YEATS2: variants seen among roughly 807,000 people sequenced by gnomAD.
YEATS2 encodes the protein YEATS domain containing 2.
In YEATS2, 77 loss-of-function variants were observed where a neutral mutation model predicts 163.2. The ratio of observed to expected loss-of-function variants is 0.47; its 90% confidence interval spans 0.39 to 0.57. YEATS2 has a LOEUF of 0.57. Ranked by LOEUF, YEATS2 falls within the 20% of genes least tolerant of loss-of-function variation. YEATS2 has a pLI of 0.00. For missense variants in YEATS2, 1,549 were observed against 1,729.8 expected (o/e 0.90, Z 1.85); for synonymous variants, 631 against 645.1 (o/e 0.98, Z 0.33).
intron 7 of YEATS2, 31 bp from the exon 8 acceptor site, chr3:183,736,687 G>C: frequency 6.4e-7 from 1 of 1,571,558 alleles, no homozygotes. Flanking sequence ...AGTGAACATG[G>C]ATGAACGTGT....
chr3:183,759,511 G>A (rs1276469953), intron 13 of YEATS2, among the ~76,000 whole-genome samples: 1 of 152,014 alleles, frequency 6.6e-6, no homozygotes, highest in Admixed American at 6.6e-5. Context: ...GAGAGCTGCT[G>A]TCCTCTCCCC....
intron 21 of YEATS2, among the ~76,000 whole-genome samples, chr3:183,796,862 C>T (rs913835141): frequency 3.9e-5 from 6 of 152,040 alleles, no homozygotes; most frequent in African/African-American, 9.7e-5. Context: ...ATTTTCTCTG[C>T]GGTAGGACTT....
chr3:183,808,815 C>T (rs773437136), intron 29 of YEATS2: 3 of 286,888 alleles, frequency 1.0e-5, no homozygotes, highest in Non-Finnish European at 2.0e-5. Context: ...AAGATCGCGC[C>T]ACTGCGCTCC....
intron 8 of YEATS2, among the ~76,000 whole-genome samples, chr3:183,746,833 G>A (rs569365715): frequency 1.2e-4 from 19 of 152,058 alleles, no homozygotes; most frequent in African/African-American, 4.6e-4. Flanking sequence ...AACTCAGCCA[G>A]ACGTGACACC....
chr3:183,784,266 A>G (rs1200715969), intron 19 of YEATS2, among the ~76,000 whole-genome samples: 13 of 152,168 alleles, frequency 8.5e-5, no homozygotes, highest in Non-Finnish European at 2.9e-5. Flanking sequence ...CACAGTGTAT[A>G]GGGCTTTCCT....
intron 29 of YEATS2, 72 bp from the exon 30 acceptor site, chr3:183,809,025 T>A (rs1034389506): frequency 1.3e-6 from 2 of 1,504,090 alleles, no homozygotes; most frequent in Middle Eastern, 1.7e-4. Flanking sequence ...GGGTAAGGGA[T>A]GGGGTTAAAT....
chr3:183,770,968 T>TA (rs1722396566), intron 15 of YEATS2, among the ~76,000 whole-genome samples: 1 of 152,224 alleles, frequency 6.6e-6, no homozygotes, highest in African/African-American at 2.4e-5. Context: ...CAGTTTTTGG[T>TA]AAAAATAATG....
chr3:183,810,222 T>C (rs576939672), intron 30 of YEATS2: 1 of 406,610 alleles, frequency 2.5e-6, no homozygotes, highest in South Asian at 2.6e-5. Flanking sequence ...GCCATCCGCT[T>C]TGTTTTCTTT....
rs923818575 is a variant in YEATS2 at position 183,783,134 on chromosome 3, C to A, written c.2737-2991C>A. Among the ~76,000 whole-genome samples the A allele has an allele frequency of 2.0e-5, 3 of 152,182 alleles. No individual in the cohort carries two copies. In the South Asian group the frequency reaches 6.2e-4, roughly 31 times the overall value. ...CTAGTCATAACTTTTTCAGATAGTGCTAGCTGTGTGACCCTGGTAAATTAA... is the reference window on the plus strand; with the variant it reads ...CTAGTCATAACTTTTTCAGATAGTGATAGCTGTGTGACCCTGGTAAATTAA... On this transcript the variant is annotated intron_variant, in intron 19 of 30. Coordinates refer to ENST00000305135, the MANE Select transcript of YEATS2 (RefSeq NM_018023.5).
chr3:183,725,257 C>T (rs1420101545), intron 6 of YEATS2, among the ~76,000 whole-genome samples: 1 of 152,032 alleles, frequency 6.6e-6, no homozygotes, highest in Non-Finnish European at 1.5e-5. Context: ...ATAATAACCC[C>T]TACCCTTGCT....
At chr3:183,772,841 C>T (rs962948969) in intron 16 of YEATS2, among the ~76,000 whole-genome samples, 1 of 151,974 alleles carries the variant, frequency 6.6e-6, no homozygotes, top group African/African-American at 2.4e-5. Flanking sequence ...GGTTCCAGGA[C>T]CCCCTGCTGC....
intron 19 of YEATS2, among the ~76,000 whole-genome samples, chr3:183,782,874 AG>A (rs1431481476): frequency 6.6e-6 from 1 of 152,248 alleles, no homozygotes; most frequent in East Asian, 1.9e-4. Context: ...GCCTGATCAT[AG>A]GGTACATATA....
Position 183,808,068 on chromosome 3 carries a change from C to G in YEATS2, c.4050C>G (p.Asn1350Lys). 1 of 1,561,278 alleles carries G rather than the reference C, an allele frequency of 6.4e-7. No homozygotes were observed. The highest frequency in any genetic ancestry group is 8.7e-7 in the Non-Finnish European group (1 of 1,152,068). ...ITLQPVALHR[N>K]VYASVVEDMI... ...TGCAGCCCGTGGCACTCCACAGGAA[C>G]GTGTATGCGTCCGTGGTGGAGGACA... Residue 1350 changes from asparagine (N) to lysine (K), a missense_variant, in exon 29 of 31, where the codon AAC becomes AAG. Coordinates refer to ENST00000305135, the MANE Select transcript of YEATS2 (RefSeq NM_018023.5).
chr3:183,724,474 C>G lies in YEATS2; in HGVS notation c.593C>G (p.Thr198Arg). The G allele has an allele frequency of 6.2e-7, 1 of 1,613,932 alleles. No individual in the cohort carries two copies. The stretch of plus-strand genomic sequence containing the variant: ...ACAGAACAGCGGAATGCTGATCTCA[C>G]AGATGAGACTTCACGACTTTTTGTA... ...HKTEQRNADL[T>R]DETSRLFVKK... Residue 198 changes from threonine (T) to arginine (R), a missense_variant, in exon 6 of 31, where the codon ACA becomes AGA. Transcript: ENST00000305135.
At chr3:183,798,237 G>A (rs1482870509) in intron 22 of YEATS2, among the ~76,000 whole-genome samples, 186 bp downstream of exon 22, 2 of 150,732 alleles carry the variant, frequency 1.3e-5, no homozygotes, top group African/African-American at 5.0e-5. Flanking sequence ...GGGCACCAAT[G>A]CCAGGACTCA....
chr3:183,761,364 G>A, intron 13 of YEATS2, 143 bp from the exon 14 acceptor site: 1 of 744,312 alleles, frequency 1.3e-6, no homozygotes, highest in Non-Finnish European at 2.2e-6. Flanking sequence ...TGGGAGTACA[G>A]GCGTGAGCTA....
At chr3:183,782,834 ATTC>A (rs879720921) in intron 19 of YEATS2, among the ~76,000 whole-genome samples, 2,204 of 152,326 alleles carry the variant, frequency 0.014, 71 homozygotes, top group East Asian at 0.14. Context: ...TGCCATAAAT[ATTC>A]TTACACAGAT....
chr3:183,785,253 T>C (rs1259160950), intron 19 of YEATS2, among the ~76,000 whole-genome samples: 2 of 151,958 alleles, frequency 1.3e-5, no homozygotes, highest in African/African-American at 4.8e-5. Context: ...TTTGGGAGGC[T>C]GAGGTGGGCA....
chr3:183,704,112 C>G (rs558371271), intron 1 of YEATS2, among the ~76,000 whole-genome samples: 2 of 150,792 alleles, frequency 1.3e-5, no homozygotes, highest in African/African-American at 2.4e-5. Context: ...TATTGCGCCA[C>G]TGCAATCCAG....
Sources: allele counts gnomAD v4.1 joint callset (sites outside exome capture counted in the v4.1 genomes callset), GRCh38; gene constraint gnomAD v4.1.1; transcripts MANE v1.5; gene names NCBI Gene and HGNC (gene_info 2026-07-23, HGNC 2026-07-21).